Variants in GALNT13 observed in about 807,000 individuals in gnomAD.
GALNT13 encodes the protein UDP-GalNAc:polypeptide N-acetylgalactosaminyltransferase 13.
A neutral mutation model predicts 64.2 loss-of-function variants in GALNT13; 28 were observed. The ratio of observed to expected loss-of-function variants is 0.44; its 90% CI spans 0.32 to 0.60. GALNT13 has a LOEUF of 0.60. GALNT13 is among the 20% of genes least tolerant of loss of function. GALNT13 has a pLI of 0.05. For missense variants in GALNT13, 577 were observed against 669.8 expected, an observed-to-expected ratio of 0.86 and a Z score of 1.53; for synonymous variants, 214 against 224.6, an observed-to-expected ratio of 0.95 and a Z score of 0.42.
At chr2:153,802,875 C>T in the GALNT13 span, among the ~76,000 whole-genome samples, 19 of 152,306 alleles carry the variant, frequency 1.2e-4, no homozygotes, top group African/African-American at 3.8e-4. Flanking sequence ...CATCTGCCCT[C>T]AGAAAAACTG....
the GALNT13 span, among the ~76,000 whole-genome samples, chr2:153,087,310 C>G: frequency 6.6e-6 from 1 of 152,128 alleles, no homozygotes; most frequent in African/African-American, 2.4e-5. Context: ...TAAACCACCC[C>G]TGCATCCCTC....
chr2:153,275,953 C>A, the GALNT13 span, among the ~76,000 whole-genome samples: 1 of 152,166 alleles, frequency 6.6e-6, no homozygotes, highest in Admixed American at 6.5e-5. Flanking sequence ...TCACCACCAA[C>A]ACAGTTTATT....
At chr2:154,132,967 A>G (rs1391319181) in intron 3 of GALNT13, among the ~76,000 whole-genome samples, 2 of 151,982 alleles carry the variant, frequency 1.3e-5, no homozygotes, top group South Asian at 2.1e-4. Context: ...ATATATTTTT[A>G]AAAGGAATTT....
At chr2:153,358,573 A>G in the GALNT13 span, among the ~76,000 whole-genome samples, 125,564 of 152,128 alleles carry the variant, frequency 0.83, 52,771 homozygotes, top group African/African-American at 0.91. Context: ...AAAATAGCTG[A>G]TATGGATATT....
the GALNT13 span, among the ~76,000 whole-genome samples, chr2:153,618,378 A>G: frequency 6.6e-6 from 1 of 151,860 alleles, no homozygotes; most frequent in Non-Finnish European, 1.5e-5. Flanking sequence ...CATTGTGATC[A>G]TAGAAGATGT....
chr2:153,751,211 T>G, the GALNT13 span, among the ~76,000 whole-genome samples: 1 of 151,972 alleles, frequency 6.6e-6, no homozygotes, highest in African/African-American at 2.4e-5. Flanking sequence ...GTTTTAAGAC[T>G]TCTTTTGTGA....
chr2:153,151,776 A>C, the GALNT13 span, among the ~76,000 whole-genome samples: 1 of 151,580 alleles, frequency 6.6e-6, no homozygotes, highest in Non-Finnish European at 1.5e-5. Flanking sequence ...TGGGAATTGA[A>C]AAATGAGAAC....
chr2:153,134,510 G>A, the GALNT13 span, among the ~76,000 whole-genome samples: 2 of 152,084 alleles, frequency 1.3e-5, no homozygotes, highest in Admixed American at 6.6e-5. Context: ...TTAATAACAC[G>A]CTACACAATT....
chr2:153,938,633 A>G (rs1691117744), intron 2 of GALNT13, among the ~76,000 whole-genome samples: 1 of 152,172 alleles, frequency 6.6e-6, no homozygotes, highest in Non-Finnish European at 1.5e-5. Flanking sequence ...ATTTTCTCTC[A>G]CATTTCTGGA....
chr2:153,109,769 G>C, the GALNT13 span, among the ~76,000 whole-genome samples: 2 of 152,096 alleles, frequency 1.3e-5, no homozygotes, highest in Admixed American at 6.6e-5. Flanking sequence ...TTCTTTTAAA[G>C]TGTTAAAAAT....
chr2:153,112,262 T>G, the GALNT13 span, among the ~76,000 whole-genome samples: 1 of 152,114 alleles, frequency 6.6e-6, no homozygotes, highest in Non-Finnish European at 1.5e-5. Context: ...CTTTTGAAAG[T>G]CAGCTGCCTA....
chr2:153,646,644 G>A, the GALNT13 span, among the ~76,000 whole-genome samples: 2 of 151,826 alleles, frequency 1.3e-5, no homozygotes, highest in South Asian at 2.1e-4. Context: ...CCCGGTGTGC[G>A]ATGTTCCCCT....
intron 10 of GALNT13, among the ~76,000 whole-genome samples, chr2:154,406,544 C>G (rs562762359): frequency 2.0e-4 from 30 of 152,234 alleles, no homozygotes; most frequent in African/African-American, 5.8e-4. Flanking sequence ...TGTTCCCCTG[C>G]CCAAAATGTC....
chr2:154,316,353 G>A (rs941307937), intron 9 of GALNT13, among the ~76,000 whole-genome samples: 1 of 152,010 alleles, frequency 6.6e-6, no homozygotes, highest in African/African-American at 2.4e-5. Context: ...TAGGAATTTT[G>A]TACAACTTAA....
At chr2:153,785,136 G>C in the GALNT13 span, among the ~76,000 whole-genome samples, 1 of 152,200 alleles carries the variant, frequency 6.6e-6, no homozygotes. Context: ...CTGTTTCTCA[G>C]CCTTAGGTGC....
intron 3 of GALNT13, among the ~76,000 whole-genome samples, chr2:153,979,013 A>G (rs1694267095): frequency 6.6e-6 from 1 of 152,164 alleles, no homozygotes; most frequent in African/African-American, 2.4e-5. Flanking sequence ...TAGGTTTATT[A>G]CTAGGATTAA....
intron 4 of GALNT13, among the ~76,000 whole-genome samples, chr2:154,224,939 T>G (rs184305886): frequency 6.6e-6 from 1 of 152,204 alleles, no homozygotes; most frequent in African/African-American, 2.4e-5. Flanking sequence ...AACGTCAAAC[T>G]GATAGAAAAT....
chr2:153,400,331 A>C, the GALNT13 span, among the ~76,000 whole-genome samples: 1 of 152,198 alleles, frequency 6.6e-6, no homozygotes, highest in African/African-American at 2.4e-5. Context: ...TTTTGCCAGT[A>C]TTTTATTGAG....
At chr2:153,630,785 ATATATATATATATATATATATATTTTTTT>A in the GALNT13 span, among the ~76,000 whole-genome samples, 1 of 10,418 alleles carries the variant, frequency 9.6e-5, no homozygotes, top group African/African-American at 3.1e-4. Flanking sequence ...ATATATATAT[ATATATATATATATATATATATATTTTTTT>A]TTTTTTTTTT....
Sources: gnomAD v4.1 joint callset for allele counts (sites outside exome capture counted in the v4.1 genomes callset) on GRCh38, gnomAD v4.1.1 for gene constraint, MANE v1.5 for transcripts, NCBI Gene and HGNC (gene_info 2026-07-23, HGNC 2026-07-21) for gene names.